PRP4K: variants seen among roughly 807,000 people sequenced by gnomAD.
The protein encoded by PRP4K is serine/threonine-protein kinase PRP4 homolog.
the PRP4K span, among the ~76,000 whole-genome samples, chr6:4,046,877 C>A: frequency 6.6e-6 from 1 of 152,116 alleles, no homozygotes; most frequent in Non-Finnish European, 1.5e-5. Context: ...AGGCTGGTGT[C>A]AAACTCCTGA....
the PRP4K span, chr6:4,051,898 T>G: frequency 8.7e-7 from 1 of 1,155,510 alleles, no homozygotes; most frequent in South Asian, 1.7e-5. Flanking sequence ...AATACATTAT[T>G]TAGTGCTCCT....
the PRP4K span, chr6:4,037,521 C>T: frequency 1.2e-6 from 2 of 1,614,098 alleles, no homozygotes; most frequent in Non-Finnish European, 8.5e-7. Flanking sequence ...TCGTTCCCCA[C>T]TCAGACGTAG....
chr6:4,060,160 G>T, the PRP4K span, among the ~76,000 whole-genome samples: 107 of 152,228 alleles, frequency 7.0e-4, no homozygotes, highest in Middle Eastern at 3.4e-3. The surrounding 1 kb of genome is among the most constrained non-coding windows in gnomAD (Gnocchi z 4.7). Context: ...GAATACTGTA[G>T]GCACTTTTGC....
the PRP4K span, among the ~76,000 whole-genome samples, chr6:4,030,826 C>G: frequency 5.3e-5 from 8 of 152,156 alleles, no homozygotes; most frequent in Non-Finnish European, 1.2e-4. Context: ...AGCCTAATGT[C>G]GTATGATTGC....
the PRP4K span, among the ~76,000 whole-genome samples, chr6:4,021,955 A>C: frequency 6.6e-6 from 1 of 152,066 alleles, no homozygotes; most frequent in Non-Finnish European, 1.5e-5. Flanking sequence ...CAGAGAGCGG[A>C]GGTGCTGGGG....
At chr6:4,032,138 C>T in the PRP4K span, 8 of 1,612,990 alleles carry the variant, frequency 5.0e-6, no homozygotes, top group African/African-American at 4.0e-5. Flanking sequence ...GTATTGAAAT[C>T]GTTAAAGAGA....
chr6:4,053,903 T>TTTTTGTTTTG, the PRP4K span, among the ~76,000 whole-genome samples: 76,074 of 149,328 alleles, frequency 0.51, 20,723 homozygotes, highest in East Asian at 0.75. Flanking sequence ...TCTTTTGTTT[T>TTTTTGTTTTG]TTTTGTTTTG....
At chr6:4,027,600 TG>T in the PRP4K span, among the ~76,000 whole-genome samples, 90 of 25,208 alleles carry the variant, frequency 3.6e-3, 7 homozygotes, top group Non-Finnish European at 6.6e-3. Context: ...GGCGGAGGGG[TG>T]GGGGGGTGGG....
chr6:4,049,670 T>G, the PRP4K span: 18 of 1,497,636 alleles, frequency 1.2e-5, no homozygotes, highest in South Asian at 1.4e-4. Flanking sequence ...TGCACTGTGT[T>G]TCCTACTTTC....
At chr6:4,037,139 A>G in the PRP4K span, among the ~76,000 whole-genome samples, 2 of 152,154 alleles carry the variant, frequency 1.3e-5, no homozygotes, top group African/African-American at 4.8e-5. Context: ...AATTAGAATC[A>G]GTGACTTTAC....
chr6:4,039,747 C>T, the PRP4K span, among the ~76,000 whole-genome samples: 12 of 152,266 alleles, frequency 7.9e-5, no homozygotes, highest in African/African-American at 2.9e-4. Flanking sequence ...ATTCTTTACT[C>T]CAATTTGCAC....
the PRP4K span, chr6:4,042,468 G>A: frequency 1.3e-6 from 2 of 1,572,128 alleles, no homozygotes; most frequent in East Asian, 2.2e-5. Flanking sequence ...TCTTAAGGGT[G>A]TTTGAATTTT....
At chr6:4,032,618 G>T in the PRP4K span, 50 of 1,613,928 alleles carry the variant, frequency 3.1e-5, no homozygotes, top group Non-Finnish European at 2.5e-6. Context: ...GAAGAAGCAG[G>T]TCTCCACTTT....
the PRP4K span, among the ~76,000 whole-genome samples, chr6:4,041,295 T>C: frequency 6.6e-6 from 1 of 152,232 alleles, no homozygotes; most frequent in Non-Finnish European, 1.5e-5. Context: ...ATACATACTT[T>C]GCAATTGAGG....
the PRP4K span, among the ~76,000 whole-genome samples, chr6:4,045,261 C>T: frequency 1.3e-5 from 2 of 152,048 alleles, no homozygotes; most frequent in Non-Finnish European, 2.9e-5. Flanking sequence ...ATTCTGTTCC[C>T]CCACCCCCGA....
the PRP4K span, among the ~76,000 whole-genome samples, chr6:4,028,089 G>A: frequency 6.6e-6 from 1 of 152,180 alleles, no homozygotes; most frequent in Non-Finnish European, 1.5e-5. Flanking sequence ...CAAAGGATGA[G>A]AATATAGCCT....
chr6:4,060,143 G>A, the PRP4K span, among the ~76,000 whole-genome samples: 14 of 152,270 alleles, frequency 9.2e-5, no homozygotes, highest in East Asian at 2.7e-3. This position sits in a 1 kb window ranked among gnomAD's most constrained non-coding sequence, Gnocchi z 4.7. Context: ...CTGTAAGTTG[G>A]TGGACTGAAT....
chr6:4,040,962 C>CAGTTTAGAG, the PRP4K span: 3 of 1,568,510 alleles, frequency 1.9e-6, no homozygotes, highest in African/African-American at 4.1e-5. Context: ...TTTGTTTTTC[C>CAGTTTAGAG]AGTTTAGAGA....
the PRP4K span, among the ~76,000 whole-genome samples, chr6:4,035,455 T>A: frequency 6.6e-6 from 1 of 151,906 alleles, no homozygotes; most frequent in Non-Finnish European, 1.5e-5. Context: ...CCCATTTATA[T>A]TTTTTAACTG....
Sources: allele counts gnomAD v4.1 joint callset (sites outside exome capture counted in the v4.1 genomes callset), GRCh38; gene constraint gnomAD v4.1.1; non-coding constraint Gnocchi (gnomAD v3.1); transcripts MANE v1.5; gene names NCBI Gene and HGNC (gene_info 2026-07-23, HGNC 2026-07-21).